The following SNX29 variants were observed in gnomAD, a reference collection of about 807,000 sequenced individuals.
The protein encoded by SNX29 is sorting nexin 29.
SNX29 carries 78 observed loss-of-function variants against 102.1 expected under a neutral mutation model. The observed-to-expected ratio is 0.76, with a 90% confidence interval of 0.64 to 0.92. The LOEUF is 0.92. SNX29 is among the 40% of genes least tolerant of loss of function. The pLI is 0.00. For synonymous variants in SNX29, 580 were observed against 414.5 expected, an observed-to-expected ratio of 1.40 and a Z score of -4.85; for missense variants, 1,280 against 1,061.7, an observed-to-expected ratio of 1.21 and a Z score of -2.86.
intron 19 of SNX29, among the ~76,000 whole-genome samples, chr16:12,487,256 C>A (rs1303280344): frequency 6.6e-6 from 1 of 152,132 alleles, no homozygotes; most frequent in Non-Finnish European, 1.5e-5. Flanking sequence ...CGTTCTCATC[C>A]CCAGCGATGC....
intron 16 of SNX29, among the ~76,000 whole-genome samples, chr16:12,376,736 CAAAAAAAAAA>C (rs71408262): frequency 2.6e-5 from 2 of 77,936 alleles, no homozygotes; most frequent in African/African-American, 5.3e-5. Context: ...GACTCTGTCT[CAAAAAAAAAA>C]AAAAAAAAAA....
chr16:12,387,375 C>T (rs188397374), intron 16 of SNX29, among the ~76,000 whole-genome samples: 4 of 152,114 alleles, frequency 2.6e-5, no homozygotes, highest in Admixed American at 1.3e-4. Flanking sequence ...GGATAGCACT[C>T]GAGCCTTGGG....
At chr16:12,174,027 C>A (rs1010587968) in intron 13 of SNX29, among the ~76,000 whole-genome samples, 1 of 152,364 alleles carries the variant, frequency 6.6e-6, no homozygotes, top group Non-Finnish European at 1.5e-5. Context: ...TGGTCCCCCC[C>A]AACCTTGGCC....
At chr16:12,553,870 G>C (rs913321032) in intron 20 of SNX29, among the ~76,000 whole-genome samples, 2 of 151,890 alleles carry the variant, frequency 1.3e-5, no homozygotes, top group African/African-American at 4.8e-5. Flanking sequence ...TTCAGATGGA[G>C]TCTCACTCTT....
intron 11 of SNX29, among the ~76,000 whole-genome samples, chr16:12,086,108 A>G (rs1485336078): frequency 6.9e-6 from 1 of 144,272 alleles, no homozygotes; most frequent in East Asian, 2.0e-4. Context: ...GGCTCACGCC[A>G]TTCTCCTGCC....
intron 8 of SNX29, among the ~76,000 whole-genome samples, chr16:12,057,755 A>AGT (rs955775880): frequency 9.9e-5 from 15 of 151,830 alleles, no homozygotes; most frequent in African/African-American, 3.6e-4. Context: ...AAGAGTGTCT[A>AGT]GTGTTATGAA....
At chr16:12,232,191 G>A (rs1427066984) in intron 14 of SNX29, among the ~76,000 whole-genome samples, 3 of 152,172 alleles carry the variant, frequency 2.0e-5, no homozygotes, top group Non-Finnish European at 2.9e-5. Context: ...TGGCCATTAA[G>A]GGGGAAGATG....
chr16:12,522,704 G>GT (rs1356878796), intron 19 of SNX29, among the ~76,000 whole-genome samples: 2 of 152,170 alleles, frequency 1.3e-5, no homozygotes, highest in Non-Finnish European at 2.9e-5. Context: ...ATGATTGTAA[G>GT]TTACTGAGGC....
intron 19 of SNX29, among the ~76,000 whole-genome samples, chr16:12,501,902 G>T (rs893181408): frequency 1.3e-5 from 2 of 152,136 alleles, no homozygotes; most frequent in Non-Finnish European, 2.9e-5. Flanking sequence ...TGTGGAGGCT[G>T]TGATCCAGTT....
At chr16:12,331,929 G>C (rs1057346239) in intron 15 of SNX29, among the ~76,000 whole-genome samples, 1 of 152,062 alleles carries the variant, frequency 6.6e-6, no homozygotes, top group Non-Finnish European at 1.5e-5. Flanking sequence ...AAGTGGTGGC[G>C]CACGCCTGTA....
chr16:12,535,244 CTT>C, intron 20 of SNX29, among the ~76,000 whole-genome samples: 2 of 152,266 alleles, frequency 1.3e-5, no homozygotes, highest in Non-Finnish European at 2.9e-5. Context: ...GCTCAAGCGA[CTT>C]TTGTGCTTCA....
intron 16 of SNX29, among the ~76,000 whole-genome samples, chr16:12,394,865 A>G (rs764137897): frequency 5.9e-5 from 9 of 152,226 alleles, no homozygotes; most frequent in African/African-American, 9.6e-5. Context: ...ACCTCTGCCC[A>G]CCTGCTGTGG....
At chr16:12,455,222 C>T (rs1172693797) in intron 18 of SNX29, among the ~76,000 whole-genome samples, 3 of 152,158 alleles carry the variant, frequency 2.0e-5, no homozygotes, top group East Asian at 1.9e-4. Flanking sequence ...AGAACCCCAC[C>T]GAGTCTGATT....
chr16:12,092,681 G>C (rs117153701), intron 11 of SNX29, among the ~76,000 whole-genome samples: 3,957 of 152,272 alleles, frequency 0.026, 60 homozygotes, highest in Non-Finnish European at 0.041. Context: ...AGGATTCTTT[G>C]TGGTGCTGAC....
intron 19 of SNX29, among the ~76,000 whole-genome samples, chr16:12,518,847 A>T (rs1257080210): frequency 3.3e-5 from 5 of 152,138 alleles, no homozygotes; most frequent in African/African-American, 7.2e-5. Context: ...CTGCATTCCC[A>T]CAGAGCCGGT....
chr16:12,202,512 T>C (rs4781194), intron 14 of SNX29, among the ~76,000 whole-genome samples: 31,811 of 152,142 alleles, frequency 0.21, 3,412 homozygotes, highest in East Asian at 0.27. Context: ...CATTAGAACC[T>C]TGGTGCAAGG....
At chr16:12,255,152 C>A (rs1045734112) in intron 14 of SNX29, among the ~76,000 whole-genome samples, 1 of 151,992 alleles carries the variant, frequency 6.6e-6, no homozygotes, top group African/African-American at 2.4e-5. Flanking sequence ...GTGTTGAGAC[C>A]ATTTAGGATA....
intron 13 of SNX29, among the ~76,000 whole-genome samples, chr16:12,177,639 C>T (rs942023981): frequency 3.9e-5 from 6 of 152,230 alleles, no homozygotes; most frequent in Admixed American, 6.5e-5. Flanking sequence ...ATGGGATTTA[C>T]ATCTCTTACA....
chr16:12,010,736 T>C (rs780289161), intron 3 of SNX29, among the ~76,000 whole-genome samples: 5 of 146,602 alleles, frequency 3.4e-5, no homozygotes, highest in Non-Finnish European at 7.6e-5. Context: ...CAGAAAAGAA[T>C]GATTTGTTTT....
Sources: allele counts gnomAD v4.1 joint callset (sites outside exome capture counted in the v4.1 genomes callset), GRCh38; gene constraint gnomAD v4.1.1; transcripts MANE v1.5; gene names NCBI Gene and HGNC (gene_info 2026-07-23, HGNC 2026-07-21).